OLFML2A: variants seen among roughly 807,000 people sequenced by gnomAD.
The protein encoded by OLFML2A is olfactomedin-like protein 2A.
A neutral mutation model predicts 60.9 loss-of-function variants in OLFML2A; 47 were observed. The ratio of observed to expected loss-of-function variants is 0.77; its 90% CI spans 0.61 to 0.98. The LOEUF (loss-of-function observed/expected upper bound fraction) is 0.98. OLFML2A is among the 50% of genes least tolerant of loss of function. The pLI is 0.00. For synonymous variants in OLFML2A, 372 were observed against 375.0 expected, an observed-to-expected ratio of 0.99 and a Z score of 0.09; for missense variants, 922 against 879.8, an observed-to-expected ratio of 1.05 and a Z score of -0.61.
chr9:124,787,135 C>T lies in OLFML2A; in HGVS notation c.251C>T (p.Thr84Ile). 6.2e-7 allele frequency: 1 copy of T among 1,614,214 alleles called. No homozygotes were observed. Among genetic ancestry groups the T allele is most frequent in the African/African-American group, 1.3e-5 (1 of 75,060 alleles). The change falls in exon 2 of 8, where the codon ACT becomes ATT. Residue 84 changes from threonine to isoleucine, a missense_variant. Coordinates refer to ENST00000373580, the MANE Select transcript of OLFML2A (RefSeq NM_182487.4). ...ACGGTGGAGACTGTGAGCTCGGGCACTGACTGCCGCTGCTCCTGTACCGCA... is the reference window on the plus strand; with the variant it reads ...ACGGTGGAGACTGTGAGCTCGGGCATTGACTGCCGCTGCTCCTGTACCGCA... ...FYTVETVSSG[T>I]DCRCSCTAPP...
At chr9:124,797,112 T>C (rs1462171168) in intron 3 of OLFML2A, among the ~76,000 whole-genome samples, 1 of 152,178 alleles carries the variant, frequency 6.6e-6, no homozygotes, top group Non-Finnish European at 1.5e-5. Context: ...CCCAAGTAGC[T>C]GGGACTGCAG....
intron 2 of OLFML2A, 100 bp from the exon 3 acceptor site, chr9:124,794,924 G>C: frequency 1.4e-6 from 1 of 696,002 alleles, no homozygotes. Flanking sequence ...GCCTGGCCCA[G>C]GTTCTGGAGT....
intron 7 of OLFML2A, among the ~76,000 whole-genome samples, chr9:124,809,001 TAAAA>T (rs112598711): frequency 2.1e-5 from 3 of 140,138 alleles, no homozygotes; most frequent in Admixed American, 7.0e-5. Context: ...ACTAAAAAAT[TAAAA>T]AAAAAAAAAA....
intron 7 of OLFML2A, among the ~76,000 whole-genome samples, chr9:124,808,275 G>A (rs1462145001): frequency 6.6e-6 from 1 of 152,236 alleles, no homozygotes; most frequent in Non-Finnish European, 1.5e-5. Flanking sequence ...GTTTCCATTT[G>A]TTGAACGCTT....
Position 124,810,070 on chromosome 9 carries a change from C to T in OLFML2A, c.1617C>T (p.Asp539=). 6.2e-7 allele frequency: 1 copy of T among 1,613,876 alleles called. No homozygotes were observed. The highest frequency in any genetic ancestry group is 8.5e-7 in the Non-Finnish European group (1 of 1,179,998). Residue 539 remains aspartate (D), a synonymous_variant, in exon 8 of 8, where the codon GAC becomes GAT. Coordinates refer to ENST00000373580, the MANE Select transcript of OLFML2A (RefSeq NM_182487.4). ...GLWVIYPAVD[D]RDEAQPEVIV... Reference sequence around the variant, plus strand: ...GGGTCATCTACCCCGCCGTGGACGACCGCGATGAGGCCCAGCCCGAGGTGA... The same window carrying T: ...GGGTCATCTACCCCGCCGTGGACGATCGCGATGAGGCCCAGCCCGAGGTGA...
chr9:124,789,217 A>T (rs924706186), intron 2 of OLFML2A, among the ~76,000 whole-genome samples: 6 of 152,194 alleles, frequency 3.9e-5, no homozygotes, highest in African/African-American at 1.4e-4. Context: ...GGCGTGAGTC[A>T]CTGTGCCTTT....
At chr9:124,790,594 G>A (rs1271179510) in intron 2 of OLFML2A, among the ~76,000 whole-genome samples, 1 of 152,182 alleles carries the variant, frequency 6.6e-6, no homozygotes, top group Non-Finnish European at 1.5e-5. Context: ...AGGACTCTGG[G>A]TCAGCAGAAC....
chr9:124,798,919 A>G (rs1841716817), intron 3 of OLFML2A, among the ~76,000 whole-genome samples: 1 of 152,192 alleles, frequency 6.6e-6, no homozygotes, highest in Non-Finnish European at 1.5e-5. Context: ...GTGTGTATGT[A>G]TACATGTGTT....
chr9:124,787,046 GC>G lies in OLFML2A; in HGVS notation c.166del (p.Leu56Ter). 1 of 1,613,982 alleles carries G rather than the reference GC, an allele frequency of 6.2e-7. No individual in the cohort carries two copies. The highest frequency in any genetic ancestry group is 8.5e-7 in the Non-Finnish European group (1 of 1,179,992). ...ACTGCCGTTGCAAGTGCATCATGCGGCCCCTGAGCAAGGACGCGTGTAGCCG... is the reference window on the plus strand; with the variant it reads ...ACTGCCGTTGCAAGTGCATCATGCGGCCCTGAGCAAGGACGCGTGTAGCCG... The part of the protein sequence containing the change: ...SDCRCKCIMR[P>X]LSKDACSRVR... On this transcript the variant is annotated frameshift_variant, in exon 2 of 8. Transcript: ENST00000373580. LOFTEE classifies it high-confidence loss of function.
intron 1 of OLFML2A, among the ~76,000 whole-genome samples, chr9:124,784,943 G>GTTGTTGTTTTTTTTTTTT (rs1841429446): frequency 1.4e-5 from 1 of 69,542 alleles, no homozygotes; most frequent in African/African-American, 6.5e-5. Context: ...CCTTTTACTT[G>GTTGTTGTTTTTTTTTTTT]TTTTTTTTTT....
At chr9:124,790,090 AC>A (rs1343634821) in intron 2 of OLFML2A, among the ~76,000 whole-genome samples, 1 of 152,188 alleles carries the variant, frequency 6.6e-6, no homozygotes, top group Non-Finnish European at 1.5e-5. Context: ...GACTTATGGT[AC>A]CAGCTTTACT....
At position 124,784,943 on chromosome 9, in the gene OLFML2A, G is replaced by GTTGTTTTT. The variant is rs1841429446; in HGVS notation, c.91-2030_91-2029insGTTTTTTT. Reference sequence around the variant, plus strand: ...AATCAGTACTGCATTCCTTTTACTTGTTTTTTTTTTTTTTTTTTTTTTTTT... The same window carrying GTTGTTTTT: ...AATCAGTACTGCATTCCTTTTACTTGTTGTTTTTTTTTTTTTTTTTTTTTTTTTTTTTT... On this transcript the variant is annotated intron_variant, in intron 1 of 7. Coordinates refer to ENST00000373580, the MANE Select transcript of OLFML2A (RefSeq NM_182487.4). Among the ~76,000 whole-genome samples, 13 of 69,548 alleles carry GTTGTTTTT rather than the reference G, an allele frequency of 1.9e-4. 1 individual carries two copies. Among genetic ancestry groups the GTTGTTTTT allele is most frequent in the African/African-American group, 7.8e-4 (12 of 15,420 alleles). The allele number at this position is 69,548 out of a possible 152,430, so 45.6% of individuals were successfully genotyped here. A position where few individuals can be genotyped will look rare whatever the true frequency, so the allele number is the denominator to read the frequency against.
chr9:124,792,220 C>G (rs532354569), intron 2 of OLFML2A, among the ~76,000 whole-genome samples: 2 of 152,296 alleles, frequency 1.3e-5, no homozygotes, highest in Admixed American at 1.3e-4. Context: ...CTGCCTCTGT[C>G]CCCTGATCTA....
At chr9:124,790,683 C>A (rs985840806) in intron 2 of OLFML2A, among the ~76,000 whole-genome samples, 4 of 152,086 alleles carry the variant, frequency 2.6e-5, no homozygotes, top group Non-Finnish European at 5.9e-5. Flanking sequence ...ACTGGTACCC[C>A]AAGGGTGGGA....
chr9:124,787,343 T>C (rs1841495754), intron 2 of OLFML2A, 105 bp downstream of exon 2: 3 of 1,124,392 alleles, frequency 2.7e-6, no homozygotes, highest in Non-Finnish European at 3.8e-6. Flanking sequence ...GTGGTGTTAC[T>C]GCCCCATTTC....
At chr9:124,778,178 T>C (rs560981683) in intron 1 of OLFML2A, among the ~76,000 whole-genome samples, 1 of 150,920 alleles carries the variant, frequency 6.6e-6, no homozygotes, top group Admixed American at 6.6e-5. Flanking sequence ...GCTAACACGG[T>C]GAAACCCCGT....
rs1841327324 is a variant in OLFML2A at position 124,779,773 on chromosome 9, G to C, written c.90+2413G>C. Reference sequence around the variant, plus strand: ...CAGACTCCTGCTGGCTCTGCAGAGAGAGCTGTTTTCATTATCACTCGCTCC... The same window carrying C: ...CAGACTCCTGCTGGCTCTGCAGAGACAGCTGTTTTCATTATCACTCGCTCC... On this transcript the variant is annotated intron_variant, in intron 1 of 7. Transcript: ENST00000373580. The surrounding 1 kb of genome is among the most constrained non-coding windows in gnomAD (Gnocchi z 4.1). 6.6e-6 allele frequency among the ~76,000 whole-genome samples: 1 copy of C among 152,240 alleles called. No individual in the cohort carries two copies. The highest frequency in any genetic ancestry group is 6.5e-5 in the Admixed American group (1 of 15,278).
Position 124,797,343 on chromosome 9 carries a change from C to T in OLFML2A, c.463-1942C>T, listed in dbSNP as rs550058185. Among the ~76,000 whole-genome samples, 7 of 152,302 alleles carry T rather than the reference C, an allele frequency of 4.6e-5. No individual in the cohort carries two copies. The East Asian group carries it at 1.2e-3, about 25-fold the overall frequency. On this transcript the variant is annotated intron_variant, in intron 3 of 7. Transcript: ENST00000373580. The stretch of plus-strand genomic sequence containing the variant: ...AGACTTTTTGGTCCTCACAGTGACC[C>T]TGCCATTTAGTTGTTAGTATGATGA...
chr9:124,798,707 G>T (rs1449040247), intron 3 of OLFML2A, among the ~76,000 whole-genome samples: 1 of 147,602 alleles, frequency 6.8e-6, no homozygotes, highest in African/African-American at 2.5e-5. Context: ...TGTGGTGGGT[G>T]CCTGTAGTCC....
Sources: allele counts gnomAD v4.1 joint callset (sites outside exome capture counted in the v4.1 genomes callset), GRCh38; gene constraint gnomAD v4.1.1; non-coding constraint Gnocchi (gnomAD v3.1); transcripts MANE v1.5; gene names NCBI Gene and HGNC (gene_info 2026-07-23, HGNC 2026-07-21).